Variants in SGMS1 observed in about 807,000 individuals in gnomAD.
SGMS1 encodes sphingomyelin synthase 1.
In SGMS1, 13 loss-of-function variants were observed where a neutral mutation model predicts 46.2. The ratio of observed to expected loss-of-function variants is 0.28; its 90% CI spans 0.18 to 0.45. The LOEUF (loss-of-function observed/expected upper bound fraction) is 0.45. Among genes scored for constraint, SGMS1 ranks in the 20% least tolerant of loss-of-function variants. The probability of loss-of-function intolerance (pLI) is 1.00; values close to 1 mark genes in which losing one functional copy is unlikely to be tolerated. For synonymous variants in SGMS1, 203 were observed against 187.8 expected (o/e 1.08, Z -0.66); for missense variants, 324 against 519.9 (o/e 0.62, Z 3.66).
At chr10:50,601,187 T>C (rs1386452018) in intron 1 of SGMS1, among the ~76,000 whole-genome samples, 1 of 152,018 alleles carries the variant, frequency 6.6e-6, no homozygotes, top group Non-Finnish European at 1.5e-5. Flanking sequence ...AGAGGTAAAA[T>C]GAACTTGCTT....
intron 2 of SGMS1, among the ~76,000 whole-genome samples, chr10:50,574,828 G>A (rs3011707): frequency 6.6e-6 from 1 of 151,534 alleles, no homozygotes; most frequent in Non-Finnish European, 1.5e-5. Flanking sequence ...AAATGTTTCC[G>A]ATGATGAATA....
chr10:50,572,811 T>G (rs1030781298), intron 2 of SGMS1, among the ~76,000 whole-genome samples: 2 of 152,212 alleles, frequency 1.3e-5, no homozygotes, highest in Non-Finnish European at 2.9e-5. Context: ...TTATAGGACC[T>G]GTCTCATCTC....
chr10:50,556,682 G>T (rs924038527), intron 2 of SGMS1, among the ~76,000 whole-genome samples: 12 of 152,218 alleles, frequency 7.9e-5, no homozygotes, highest in African/African-American at 2.9e-4. Context: ...AGTGAAATGA[G>T]AACAGTGTTT....
intron 2 of SGMS1, among the ~76,000 whole-genome samples, chr10:50,561,191 T>C (rs1404597904): frequency 6.6e-6 from 1 of 152,230 alleles, no homozygotes; most frequent in Non-Finnish European, 1.5e-5. Flanking sequence ...TCTGGGTCTT[T>C]TGTCACTTGC....
At chr10:50,433,106 G>A (rs1212555) in intron 6 of SGMS1, among the ~76,000 whole-genome samples, 2 of 151,974 alleles carry the variant, frequency 1.3e-5, no homozygotes, top group Non-Finnish European at 2.9e-5. Flanking sequence ...AAAAAAATAC[G>A]TGAGTGAGAA....
intron 7 of SGMS1, among the ~76,000 whole-genome samples, chr10:50,327,534 A>G (rs1373095821): frequency 6.6e-6 from 1 of 152,214 alleles, no homozygotes; most frequent in African/African-American, 2.4e-5. Context: ...TAACTGGCCA[A>G]AAGTGCTTAA....
chr10:50,595,562 G>C (rs1838583607), intron 1 of SGMS1, among the ~76,000 whole-genome samples: 2 of 152,320 alleles, frequency 1.3e-5, no homozygotes, highest in South Asian at 4.1e-4. Context: ...GGCTCTGAGA[G>C]TTTAAGTAAC....
rs13377042 is a variant in SGMS1 at position 50,458,203 on chromosome 10, A to G, written c.-313+2470T>C. On this transcript the variant is annotated intron_variant, in intron 5 of 10. Coordinates refer to ENST00000361781, the MANE Select transcript of SGMS1 (RefSeq NM_147156.4). ...GACGGCCCTTGTTTGAATGCTAAAC[A>G]TAAGAAAATTCTTAGACATGTTTAT... is the stretch of plus-strand genomic sequence containing the variant. Among the ~76,000 whole-genome samples, 76 of 152,376 alleles carry G rather than the reference A, an allele frequency of 5.0e-4. 1 individual carries two copies. Among genetic ancestry groups the G allele is most frequent in the South Asian group, 4.1e-3 (20 of 4,830 alleles).
At chr10:50,364,107 A>C (rs1848296426) in intron 6 of SGMS1, among the ~76,000 whole-genome samples, 1 of 152,140 alleles carries the variant, frequency 6.6e-6, no homozygotes, top group African/African-American at 2.4e-5. Flanking sequence ...GTTGAAAAAA[A>C]ATTTCAGATG....
At chr10:50,507,028 C>T (rs1837712875) in intron 3 of SGMS1, among the ~76,000 whole-genome samples, 1 of 152,180 alleles carries the variant, frequency 6.6e-6, no homozygotes. Flanking sequence ...GAATGGGAAA[C>T]ACACAGCTGC....
chr10:50,483,691 G>A (rs2133724627), intron 3 of SGMS1, among the ~76,000 whole-genome samples: 1 of 152,192 alleles, frequency 6.6e-6, no homozygotes, highest in Non-Finnish European at 1.5e-5. Context: ...ATAACAAACA[G>A]TCTCTCAGAC....
chr10:50,598,870 A>C (rs914335691), intron 1 of SGMS1, among the ~76,000 whole-genome samples: 5 of 152,354 alleles, frequency 3.3e-5, no homozygotes, highest in African/African-American at 9.6e-5. Context: ...TATTGAGTCT[A>C]GGAAGACAGC....
chr10:50,518,421 AGTTTGTTT>A (rs985998431), intron 3 of SGMS1, among the ~76,000 whole-genome samples: 1 of 152,230 alleles, frequency 6.6e-6, no homozygotes, highest in African/African-American at 2.4e-5. Flanking sequence ...AAATGTTTTT[AGTTTGTTT>A]GTTTGTTTGT....
intron 2 of SGMS1, among the ~76,000 whole-genome samples, chr10:50,526,318 A>G (rs1246627248): frequency 1.3e-5 from 2 of 152,142 alleles, no homozygotes; most frequent in Non-Finnish European, 2.9e-5. Context: ...TCAAACCATC[A>G]GATGTCATGA....
At position 50,408,444 on chromosome 10, in the gene SGMS1, AAAAAAAAAAAAC is replaced by A. The variant is rs1214451249; in HGVS notation, c.-232+25020_-232+25031del. Reference sequence around the variant, plus strand: ...GACCTCATCTCTTAAAAAAAAAAAAAAAAAAAAAAAACAAAATAAAAACTTTTTTTAATTAGC... The same window carrying A: ...GACCTCATCTCTTAAAAAAAAAAAAAAAAATAAAAACTTTTTTTAATTAGC... On this transcript the variant is annotated intron_variant, in intron 6 of 10. Coordinates refer to ENST00000361781, the MANE Select transcript of SGMS1 (RefSeq NM_147156.4). Among the ~76,000 whole-genome samples the A allele has an allele frequency of 9.1e-3, 1,353 of 148,080 alleles. 24 individuals are homozygous for A. The highest frequency in any genetic ancestry group is 0.031 in the African/African-American group (1,238 of 40,426).
intron 3 of SGMS1, among the ~76,000 whole-genome samples, chr10:50,504,743 C>T (rs983906251): frequency 6.6e-5 from 10 of 151,920 alleles, no homozygotes; most frequent in Admixed American, 5.9e-4. Flanking sequence ...TTCTAAAAGT[C>T]AAAAAGGTTT....
At chr10:50,396,737 C>A (rs997525784) in intron 6 of SGMS1, among the ~76,000 whole-genome samples, 1 of 152,152 alleles carries the variant, frequency 6.6e-6, no homozygotes, top group Non-Finnish European at 1.5e-5. Context: ...CTGCTTTTAG[C>A]AGTCTGTCTT....
intron 6 of SGMS1, among the ~76,000 whole-genome samples, chr10:50,374,193 C>T (rs920087950): frequency 6.6e-6 from 1 of 152,278 alleles, no homozygotes; most frequent in East Asian, 1.9e-4. Flanking sequence ...TACTAAGCAC[C>T]TACTATGCAC....
chr10:50,452,969 A>G (rs1371797748), intron 5 of SGMS1, among the ~76,000 whole-genome samples: 1 of 152,164 alleles, frequency 6.6e-6, no homozygotes, highest in African/African-American at 2.4e-5. Flanking sequence ...CCAGATTGAT[A>G]GTGGCTACAG....
Sources: gnomAD v4.1 joint callset for allele counts (sites outside exome capture counted in the v4.1 genomes callset) on GRCh38, gnomAD v4.1.1 for gene constraint, MANE v1.5 for transcripts, NCBI Gene and HGNC (gene_info 2026-07-23, HGNC 2026-07-21) for gene names.